Variants in SACS observed in about 807,000 individuals in gnomAD.
SACS encodes the protein sacsin.
In SACS, 197 loss-of-function variants were observed where a neutral mutation model predicts 348.0. That is an observed-to-expected ratio of 0.57 (90% CI 0.50 to 0.64). The LOEUF is 0.64. Among genes scored for constraint, SACS ranks in the 30% least tolerant of loss-of-function variants. SACS has a pLI of 0.00. For missense variants in SACS, 4,999 were observed against 5,360.8 expected, an observed-to-expected ratio of 0.93 and a Z score of 2.11; for synonymous variants, 1,985 against 1,910.6, an observed-to-expected ratio of 1.04 and a Z score of -1.02.
intron 2 of SACS, among the ~76,000 whole-genome samples, chr13:23,404,940 C>T (rs1873137717): frequency 6.6e-6 from 1 of 152,124 alleles, no homozygotes; most frequent in African/African-American, 2.4e-5. Flanking sequence ...ACATTCCACG[C>T]TCATGGATAG....
chr13:23,358,199 A>T, intron 7 of SACS, 136 bp downstream of exon 7: 1 of 878,064 alleles, frequency 1.1e-6, no homozygotes, highest in South Asian at 1.5e-5. Flanking sequence ...TTTCATTGAC[A>T]TACCTCCTGC....
At chr13:23,412,403 A>C (rs1297866135) in intron 1 of SACS, among the ~76,000 whole-genome samples, 2 of 134,614 alleles carry the variant, frequency 1.5e-5, no homozygotes, top group Non-Finnish European at 1.5e-5. Context: ...TTTAAATCCA[A>C]ACCCTTTTTT....
intron 9 of SACS, among the ~76,000 whole-genome samples, chr13:23,352,995 C>G (rs1286099783): frequency 6.7e-6 from 1 of 150,130 alleles, no homozygotes; most frequent in Non-Finnish European, 1.5e-5. Context: ...AGACACATCA[C>G]AGAGTATGCT....
Position 23,362,581 on chromosome 13 carries a change from CTTTTTT to C in SACS, c.457+2579_457+2584del, listed in dbSNP as rs34351648. 7.7e-4 allele frequency among the ~76,000 whole-genome samples: 86 copies of C among 111,882 alleles called. 1 individual carries two copies. Among genetic ancestry groups the C allele is most frequent in the African/African-American group, 2.5e-3 (78 of 31,492 alleles). 73.4% of individuals were successfully genotyped at this position (111,882 alleles called of 152,430 possible). On this transcript the variant is annotated intron_variant, in intron 6 of 9. Coordinates refer to ENST00000382292, the MANE Select transcript of SACS (RefSeq NM_014363.6). ...CCACCTGCTTTTATATAATACATTC[CTTTTTT>C]TTTTTTTTTTTTTTTTGAGATGGAG...
chr13:23,341,752 C>A, intron 9 of SACS, 62 bp from the exon 10 acceptor site: 3 of 998,636 alleles, frequency 3.0e-6, no homozygotes, highest in Non-Finnish European at 4.7e-6. Flanking sequence ...GCTTTCTATT[C>A]TCACAAATAA....
chr13:23,330,036 TAAC>T lies in SACS; in HGVS notation c.*97_*99del. 1 of 1,086,822 alleles carries T rather than the reference TAAC, an allele frequency of 9.2e-7. No homozygotes were observed. The allele number at this position is 1,086,822 out of a possible 1,614,324, so 67.3% of individuals were successfully genotyped here. A position where few individuals can be genotyped will look rare whatever the true frequency, so the allele number is the denominator to read the frequency against. On this transcript the variant is annotated 3_prime_UTR_variant, in exon 10 of 10. Coordinates refer to ENST00000382292, the MANE Select transcript of SACS (RefSeq NM_014363.6). ...CTCCAAGAACAATCTGCAATGTGCT[TAAC>T]AATTCCTAGCTAATTGGCAATGAAG...
At chr13:23,432,872 C>G (rs1874490537) in intron 1 of SACS, among the ~76,000 whole-genome samples, 1 of 151,920 alleles carries the variant, frequency 6.6e-6, no homozygotes, top group Non-Finnish European at 1.5e-5. Context: ...AGATTAAAGC[C>G]AAAACAATTG....
chr13:23,382,966 T>C (rs1035882797), intron 2 of SACS, among the ~76,000 whole-genome samples: 11 of 149,772 alleles, frequency 7.3e-5, no homozygotes, highest in Non-Finnish European at 1.3e-4. Context: ...ATTTTTTTTT[T>C]TTTTTTTTTT....
Position 23,335,846 on chromosome 13 carries a change from T to C in SACS, c.8030A>G (p.Gln2677Arg). Residue 2677 changes from glutamine to arginine, a missense_variant, in exon 10 of 10, where the codon CAG (glutamine) becomes CGG (arginine). By Grantham distance (43) the Gln-to-Arg change is conservative. Coordinates refer to ENST00000382292, the MANE Select transcript of SACS (RefSeq NM_014363.6). The surrounding 1 kb of genome is among the most constrained non-coding windows in gnomAD (Gnocchi z 4.7). ...ATAAAGATCCAGAACATCTGAGAAC[T>C]GTGTCCTAAAATCTGCATCCAAATC... is the stretch of plus-strand genomic sequence containing the variant. ...FRDLDADFRT[Q>R]FSDVLDLYLG... 1 of 1,614,010 alleles carries C rather than the reference T, an allele frequency of 6.2e-7. No individual in the cohort carries two copies. The highest frequency in any genetic ancestry group is 8.5e-7 in the Non-Finnish European group (1 of 1,179,914).
chr13:23,336,949 T>C lies in SACS; in HGVS notation c.6927A>G (p.Thr2309=), dbSNP rs1397622740. The change falls in exon 10 of 10, where the codon ACA becomes ACG. Residue 2309 remains threonine (T), a synonymous_variant. Coordinates refer to ENST00000382292, the MANE Select transcript of SACS (RefSeq NM_014363.6). ...EVAKSVDDGI[T]LYQENITNAC... The stretch of plus-strand genomic sequence containing the variant: ...CATTGGTGATATTCTCCTGGTACAG[T>C]GTAATTCCATCATCAACTGATTTTG... 3 of 1,613,934 alleles carry C rather than the reference T, an allele frequency of 1.9e-6. No homozygotes were observed. The highest frequency in any genetic ancestry group is 2.7e-5 in the African/African-American group (2 of 75,034).
Position 23,338,091 on chromosome 13 carries a change from G to C in SACS, c.5785C>G (p.Arg1929Gly), listed in dbSNP as rs141019064. 4 of 1,613,920 alleles carry C rather than the reference G, an allele frequency of 2.5e-6. No homozygotes were observed. The highest frequency in any genetic ancestry group is 3.4e-6 in the Non-Finnish European group (4 of 1,179,964). ...KAYLQVLSVL[R>G]DLATSGELMD... ...AGCTCCCCACTAGTGGCCAGGTCCC[G>C]TAAGACACTCAGTACCTGTAAGTAA... The change falls in exon 10 of 10, where the codon CGG (arginine) becomes GGG (glycine). Residue 1929 changes from arginine (R) to glycine (G), a missense_variant. Transcript: ENST00000382292.
intron 2 of SACS, among the ~76,000 whole-genome samples, chr13:23,398,089 G>T (rs1333976602): frequency 6.6e-6 from 1 of 152,058 alleles, no homozygotes; most frequent in African/African-American, 2.4e-5. Context: ...TACTCAGGAG[G>T]CTGAGGCAGG....
chr13:23,335,484 G>C lies in SACS; in HGVS notation c.8392C>G (p.Pro2798Ala). 1.2e-6 allele frequency: 2 copies of C among 1,613,644 alleles called. No individual in the cohort carries two copies. The highest frequency in any genetic ancestry group is 1.7e-6 in the Non-Finnish European group (2 of 1,179,870). ...ATAGTATAGGTTATTTGTTGAACTG[G>C]TATGTCTTTGAGCTGCCTCTTTTTA... is the stretch of plus-strand genomic sequence containing the variant. Reference protein sequence around the residue: ...VTKKRQLKDIPVQQITYTMDT... With the variant: ...VTKKRQLKDIAVQQITYTMDT... Residue 2798 changes from proline to alanine, a missense_variant, in exon 10 of 10, where the codon CCA becomes GCA. Coordinates refer to ENST00000382292, the MANE Select transcript of SACS (RefSeq NM_014363.6). The surrounding 1 kb of genome is among the most constrained non-coding windows in gnomAD (Gnocchi z 4.7).
At chr13:23,387,090 C>T (rs919285006) in intron 2 of SACS, among the ~76,000 whole-genome samples, 9 of 151,966 alleles carry the variant, frequency 5.9e-5, no homozygotes, top group African/African-American at 1.2e-4. Context: ...GACACGCTAA[C>T]GGAGCACTTG....
At chr13:23,421,378 G>A (rs1873932968) in intron 1 of SACS, among the ~76,000 whole-genome samples, 1 of 151,978 alleles carries the variant, frequency 6.6e-6, no homozygotes, top group South Asian at 2.1e-4. Flanking sequence ...CCTGTGGAGT[G>A]TGCCGTCCCA....
At chr13:23,365,075 A>G (rs1593153278) in intron 6 of SACS, 91 bp downstream of exon 6, 6 of 861,446 alleles carry the variant, frequency 7.0e-6, no homozygotes, top group Non-Finnish European at 1.1e-5. Flanking sequence ...AGTACAAATG[A>G]TAGACTGTTC....
At chr13:23,348,191 C>A (rs1001662084) in intron 9 of SACS, among the ~76,000 whole-genome samples, 4 of 152,154 alleles carry the variant, frequency 2.6e-5, no homozygotes, top group African/African-American at 7.2e-5. Flanking sequence ...ATTAAAAAAA[C>A]AAAAATCATA....
Position 23,375,284 on chromosome 13 carries a change from G to A in SACS, c.21-15C>T, listed in dbSNP as rs1475664630. ...CCGGGACCCACCTGTGGAAAGCAGA[G>A]GGACGCTCAGTCGGGCTGCGGCTGC... On this transcript the variant is annotated splice_polypyrimidine_tract_variant and intron_variant, in intron 2 of 9. Coordinates refer to ENST00000382292, the MANE Select transcript of SACS (RefSeq NM_014363.6). The A allele has an allele frequency of 1.5e-5, 21 of 1,435,018 alleles. No individual in the cohort carries two copies. The highest frequency in any genetic ancestry group is 1.8e-4 in the Middle Eastern group (1 of 5,612). 88.9% of individuals were successfully genotyped at this position (1,435,018 alleles called of 1,614,324 possible). A position where few individuals can be genotyped will look rare whatever the true frequency, so the allele number is the denominator to read the frequency against.
At position 23,338,837 on chromosome 13, in the gene SACS, C is replaced by G. The variant is rs762863750; in HGVS notation, c.5039G>C (p.Gly1680Ala). ...CTGAGTGAAAATGATAAGCCTGTGT[C>G]CACAGAGACTAAATTCATCCACAAG... ...YSLVDEFSLC[G>A]HRLIIFTQSV... Residue 1680 changes from glycine (G) to alanine (A), a missense_variant, in exon 10 of 10, where the codon GGA (glycine) becomes GCA (alanine). Physicochemically the swap from Gly to Ala is moderately conservative, Grantham distance 60. Transcript: ENST00000382292. 3 of 1,612,826 alleles carry G rather than the reference C, an allele frequency of 1.9e-6. No individual in the cohort carries two copies. Among genetic ancestry groups the G allele is most frequent in the South Asian group, 2.2e-5 (2 of 90,992 alleles).
Sources: allele counts gnomAD v4.1 joint callset (sites outside exome capture counted in the v4.1 genomes callset), GRCh38; gene constraint gnomAD v4.1.1; non-coding constraint Gnocchi (gnomAD v3.1); transcripts MANE v1.5; gene names NCBI Gene and HGNC (gene_info 2026-07-23, HGNC 2026-07-21).